GLRA2: variants seen among roughly 807,000 people sequenced by gnomAD.
GLRA2 encodes the protein glycine receptor alpha 2, also known as glycine receptor subunit alpha-2.
Under a neutral mutation model 31.6 loss-of-function variants are expected in GLRA2, and 11 were observed. The ratio of observed to expected loss-of-function variants is 0.35; its 90% confidence interval spans 0.22 to 0.58. GLRA2 has a LOEUF of 0.58. GLRA2 is among the 20% of genes least tolerant of loss of function. The pLI is 0.84. For synonymous variants in GLRA2, 132 were observed against 134.0 expected (o/e 0.99, Z 0.10); for missense variants, 212 against 351.8 (o/e 0.60, Z 3.18).
intron 2 of GLRA2, among the ~76,000 whole-genome samples, chrX:14,561,118 A>G (rs1158560317): frequency 8.9e-6 from 1 of 111,835 alleles, no homozygotes; most frequent in African/African-American, 3.3e-5. Flanking sequence ...TGTGATAAAT[A>G]GTGTTCTGAT....
chrX:14,584,929 C>T (rs1196031618), intron 4 of GLRA2, among the ~76,000 whole-genome samples: 1 of 111,333 alleles, frequency 9.0e-6, no homozygotes, highest in East Asian at 2.8e-4. Flanking sequence ...TGCTTTCTTG[C>T]TGTTTTGTGA....
intron 8 of GLRA2, among the ~76,000 whole-genome samples, chrX:14,692,813 T>C (rs1009677056): frequency 2.7e-5 from 3 of 112,019 alleles, no homozygotes; most frequent in Non-Finnish European, 5.6e-5. Flanking sequence ...ATTCTTAGAC[T>C]GTACCTGGGC....
At chrX:14,570,167 G>A (rs1224999765) in intron 2 of GLRA2, among the ~76,000 whole-genome samples, 1 of 111,976 alleles carries the variant, frequency 8.9e-6, no homozygotes, top group Non-Finnish European at 1.9e-5. Context: ...TTTGGAAACA[G>A]ACTGGTAATG....
At chrX:14,486,926 G>A in the GLRA2 span, among the ~76,000 whole-genome samples, 10 of 111,092 alleles carry the variant, frequency 9.0e-5, no homozygotes, top group East Asian at 2.8e-3. Flanking sequence ...AAGAATGGTG[G>A]CAAACATAAA....
chrX:14,455,999 T>C, the GLRA2 span, among the ~76,000 whole-genome samples: 1 of 111,342 alleles, frequency 9.0e-6, no homozygotes, highest in East Asian at 2.8e-4. Context: ...CTCTCAGACA[T>C]AAATTTGGAC....
chrX:14,585,878 A>T (rs1313486520), intron 4 of GLRA2, among the ~76,000 whole-genome samples: 4 of 112,205 alleles, frequency 3.6e-5, no homozygotes, highest in Non-Finnish European at 7.5e-5. Context: ...TTAATTATGT[A>T]AGCATGTGGT....
intron 7 of GLRA2, among the ~76,000 whole-genome samples, chrX:14,669,030 G>C (rs899125342): frequency 8.9e-6 from 1 of 112,339 alleles, no homozygotes; most frequent in Non-Finnish European, 1.9e-5. Context: ...TTACTTCCTA[G>C]ATACAATCGG....
the GLRA2 span, among the ~76,000 whole-genome samples, chrX:14,485,729 C>G: frequency 2.7e-5 from 3 of 111,887 alleles, no homozygotes; most frequent in South Asian, 3.8e-4. Context: ...CTGCCATCTT[C>G]TGTCATCTGG....
chrX:14,561,228 C>T lies in GLRA2; in HGVS notation c.203-13105C>T, dbSNP rs2089729613. Among the ~76,000 whole-genome samples the T allele has an allele frequency of 4.4e-5, 5 of 112,415 alleles. No homozygotes were observed. In the Admixed American group the frequency reaches 4.7e-4, roughly 11 times the overall value. ...TTCTGCTATGACTTTGTTCATGCTACAGAGCACAATATCAAACTCATTGTA... is the reference window on the plus strand; with the variant it reads ...TTCTGCTATGACTTTGTTCATGCTATAGAGCACAATATCAAACTCATTGTA... On this transcript the variant is annotated intron_variant, in intron 2 of 8. Coordinates refer to ENST00000218075, the MANE Select transcript of GLRA2 (RefSeq NM_002063.4).
chrX:14,608,873 CA>C (rs1201436751), intron 6 of GLRA2, 117 bp from the exon 7 acceptor site: 14 of 452,294 alleles, frequency 3.1e-5, no homozygotes, highest in African/African-American at 7.7e-5. Flanking sequence ...ACATTTTGTG[CA>C]ATCTTCCAAA....
chrX:14,451,898 TCAA>T, the GLRA2 span, among the ~76,000 whole-genome samples: 3 of 111,541 alleles, frequency 2.7e-5, no homozygotes, highest in South Asian at 3.7e-4. Context: ...AGGGTTGAAT[TCAA>T]CAACAAGATT....
At chrX:14,545,994 A>T (rs2089474707) in intron 2 of GLRA2, among the ~76,000 whole-genome samples, 1 of 111,342 alleles carries the variant, frequency 9.0e-6, no homozygotes, top group African/African-American at 3.3e-5. Flanking sequence ...CTGGCACTGA[A>T]AATTTCACTT....
chrX:14,632,664 T>C (rs570195105), intron 7 of GLRA2, among the ~76,000 whole-genome samples: 1 of 111,506 alleles, frequency 9.0e-6, no homozygotes, highest in African/African-American at 3.3e-5. Context: ...TTTTAAATAA[T>C]ACACTGTAGA....
intron 7 of GLRA2, among the ~76,000 whole-genome samples, chrX:14,687,865 G>C (rs1447100134): frequency 1.8e-5 from 2 of 112,291 alleles, no homozygotes; most frequent in African/African-American, 6.5e-5. Flanking sequence ...CCTTTGGAGG[G>C]GGAGAGGTGC....
At position 14,730,367 on chromosome X, in the gene GLRA2, G is replaced by A. The variant is rs1057405288; in HGVS notation, c.1241G>A (p.Arg414Gln). The A allele has an allele frequency of 5.0e-6, 6 of 1,207,408 alleles. No individual in the cohort carries two copies. Among genetic ancestry groups the A allele is most frequent in the East Asian group, 3.0e-5 (1 of 33,699 alleles). Residue 414 changes from arginine (R) to glutamine (Q), a missense_variant, in exon 9 of 9, where the codon CGG becomes CAG. This residue lies in a region of GLRA2 where 42 missense variants were observed against 52.0 expected (regional missense o/e 0.81). Transcript: ENST00000218075. ...GCTATCAAGAAGAAGTTTGTGGACC[G>A]GGCAAAAAGGATTGACACGATATCT... is the stretch of plus-strand genomic sequence containing the variant. ...GDAIKKKFVD[R>Q]AKRIDTISRA...
chrX:14,630,689 C>T (rs2090634709), intron 7 of GLRA2, among the ~76,000 whole-genome samples: 1 of 110,717 alleles, frequency 9.0e-6, no homozygotes, highest in African/African-American at 3.3e-5. Context: ...AACAAAATAC[C>T]ACAGACTGGG....
chrX:14,507,054 CA>C, the GLRA2 span, among the ~76,000 whole-genome samples: 3 of 111,924 alleles, frequency 2.7e-5, no homozygotes, highest in Non-Finnish European at 5.6e-5. Context: ...GCAGTCAACC[CA>C]GTTTCAACCA....
intron 7 of GLRA2, among the ~76,000 whole-genome samples, chrX:14,621,242 G>C (rs1038598838): frequency 9.0e-6 from 1 of 111,248 alleles, no homozygotes; most frequent in African/African-American, 3.3e-5. Flanking sequence ...CTACACATTA[G>C]AATCAGTTGA....
chrX:14,564,505 G>A (rs753858715), intron 2 of GLRA2, among the ~76,000 whole-genome samples: 2 of 111,887 alleles, frequency 1.8e-5, no homozygotes, highest in African/African-American at 6.5e-5. Flanking sequence ...GTAAGTAGAA[G>A]TCTTATGAAT....
Sources: gnomAD v4.1 joint callset for allele counts (sites outside exome capture counted in the v4.1 genomes callset) on GRCh38, gnomAD v4.1.1 for gene constraint, gnomAD v4.1.1 regional missense constraint, MANE v1.5 for transcripts, NCBI Gene and HGNC (gene_info 2026-07-23, HGNC 2026-07-21) for gene names.